Variants in MDFIC2 observed in about 807,000 individuals in gnomAD.
MDFIC2 encodes myoD family inhibitor domain-containing protein 2.
chr3:70,241,068 G>A (rs1575604621), intron 2 of MDFIC2, among the ~76,000 whole-genome samples: 1 of 152,096 alleles, frequency 6.6e-6, no homozygotes, highest in East Asian at 1.9e-4. Context: ...TTTAGCCTGT[G>A]ATGTGACTGC....
At chr3:70,247,554 T>G (rs918052686) in intron 2 of MDFIC2, among the ~76,000 whole-genome samples, 1 of 151,872 alleles carries the variant, frequency 6.6e-6, no homozygotes, top group African/African-American at 2.4e-5. Flanking sequence ...ACCAATTTTT[T>G]GATCACATAT....
At chr3:70,229,462 A>C (rs1308537035) in intron 2 of MDFIC2, among the ~76,000 whole-genome samples, 2 of 152,214 alleles carry the variant, frequency 1.3e-5, no homozygotes, top group Admixed American at 6.5e-5. Context: ...TACATAGCAG[A>C]ACTTGCTTCC....
intron 2 of MDFIC2, among the ~76,000 whole-genome samples, chr3:70,288,982 C>T (rs1206783083): frequency 6.6e-6 from 1 of 152,134 alleles, no homozygotes; most frequent in African/African-American, 2.4e-5. Context: ...TTCCTGAATA[C>T]AGCACACTGA....
At chr3:70,270,474 T>A (rs753200292) in intron 2 of MDFIC2, among the ~76,000 whole-genome samples, 1 of 152,222 alleles carries the variant, frequency 6.6e-6, no homozygotes, top group Non-Finnish European at 1.5e-5. Context: ...TGACAGTGGC[T>A]ACCTCTCATT....
At chr3:70,224,466 C>T (rs927338983) in intron 2 of MDFIC2, among the ~76,000 whole-genome samples, 1 of 152,162 alleles carries the variant, frequency 6.6e-6, no homozygotes, top group African/African-American at 2.4e-5. Context: ...TAAAGAAAAG[C>T]GCTTCATTCT....
intron 2 of MDFIC2, among the ~76,000 whole-genome samples, chr3:70,244,305 A>G (rs1206443024): frequency 2.0e-5 from 3 of 152,222 alleles, no homozygotes; most frequent in African/African-American, 4.8e-5. Flanking sequence ...CGACCACTGC[A>G]GTGTAGACTT....
intron 2 of MDFIC2, among the ~76,000 whole-genome samples, chr3:70,265,780 T>C (rs1246958752): frequency 6.6e-6 from 1 of 152,164 alleles, no homozygotes; most frequent in Non-Finnish European, 1.5e-5. Context: ...AGGAAACTTA[T>C]AATCATGATG....
intron 2 of MDFIC2, among the ~76,000 whole-genome samples, chr3:70,269,347 G>T (rs1291850983): frequency 6.6e-6 from 1 of 152,100 alleles, no homozygotes; most frequent in Non-Finnish European, 1.5e-5. Flanking sequence ...TGAATATACT[G>T]AACTGTAACC....
chr3:70,261,679 A>G (rs1701867872), intron 2 of MDFIC2, among the ~76,000 whole-genome samples: 1 of 152,178 alleles, frequency 6.6e-6, no homozygotes, highest in Non-Finnish European at 1.5e-5. Context: ...TATTTTGTTG[A>G]AAACAGAATG....
chr3:70,269,981 A>G (rs1227285351), intron 2 of MDFIC2, among the ~76,000 whole-genome samples: 1 of 152,234 alleles, frequency 6.6e-6, no homozygotes, highest in Non-Finnish European at 1.5e-5. Flanking sequence ...AAGAGAAGGA[A>G]GGGAAAACAG....
chr3:70,256,034 C>T (rs1258058087), intron 2 of MDFIC2, among the ~76,000 whole-genome samples: 1 of 152,134 alleles, frequency 6.6e-6, no homozygotes, highest in African/African-American at 2.4e-5. Context: ...AATAGTACCA[C>T]CCCAAATTAT....
chr3:70,251,548 G>A (rs941919810), intron 2 of MDFIC2, among the ~76,000 whole-genome samples: 1 of 152,172 alleles, frequency 6.6e-6, no homozygotes, highest in Admixed American at 6.5e-5. Context: ...TGATGGTGGA[G>A]TGTACATTCC....
At chr3:70,233,729 A>G (rs927661563) in intron 2 of MDFIC2, among the ~76,000 whole-genome samples, 2 of 152,214 alleles carry the variant, frequency 1.3e-5, no homozygotes, top group African/African-American at 4.8e-5. Flanking sequence ...AATTTCATGT[A>G]AACTGAATCA....
chr3:70,307,329 G>C (rs1017375928), intron 2 of MDFIC2, among the ~76,000 whole-genome samples: 1 of 152,034 alleles, frequency 6.6e-6, no homozygotes, highest in African/African-American at 2.4e-5. Flanking sequence ...CACTTCAAAC[G>C]CTGACAATGC....
chr3:70,290,734 C>G (rs6766653), intron 2 of MDFIC2, among the ~76,000 whole-genome samples: 20 of 152,102 alleles, frequency 1.3e-4, no homozygotes, highest in Non-Finnish European at 2.9e-4. Flanking sequence ...TAGGACCCTC[C>G]GAGCCAGGTG....
Position 70,206,768 on chromosome 3 carries a change from C to G in MDFIC2, c.111G>C (p.Lys37Asn), listed in dbSNP as rs1040925892. 40 of 397,498 alleles carry G rather than the reference C, an allele frequency of 1.0e-4. No homozygotes were observed. Among genetic ancestry groups the G allele is most frequent in the African/African-American group, 7.6e-4 (37 of 48,548 alleles). The allele number at this position is 397,498 out of a possible 1,614,324, so 24.6% of individuals were successfully genotyped here. A position where few individuals can be genotyped will look rare whatever the true frequency, so the allele number is the denominator to read the frequency against. The change falls in exon 3 of 4, where the codon AAG becomes AAC. Residue 37 changes from lysine (K) to asparagine (N), a missense_variant. Lys to Asn is a moderately conservative substitution (Grantham distance 94). Transcript: ENST00000567252. ...LKEDTQLTNA[K>N]HADEKPINAI... Reference sequence around the variant, plus strand: ...CATTAATGGGTTTCTCATCTGCATGCTTTGCATTCGTGAGTTGCGTATCTA... The same window carrying G: ...CATTAATGGGTTTCTCATCTGCATGGTTTGCATTCGTGAGTTGCGTATCTA...
chr3:70,206,435 G>C (rs1701291350), intron 3 of MDFIC2, 134 bp downstream of exon 3: 1 of 394,070 alleles, frequency 2.5e-6, no homozygotes, highest in Non-Finnish European at 4.5e-6. Context: ...TCATTCACCA[G>C]AGTTTTCAAA....
intron 2 of MDFIC2, among the ~76,000 whole-genome samples, chr3:70,207,091 C>T (rs922359073): frequency 6.8e-6 from 1 of 147,500 alleles, no homozygotes; most frequent in Admixed American, 6.8e-5. Context: ...TCACTTGGAT[C>T]AACAAAATCT....
At chr3:70,247,585 A>G (rs945070173) in intron 2 of MDFIC2, among the ~76,000 whole-genome samples, 1 of 151,922 alleles carries the variant, frequency 6.6e-6, no homozygotes, top group South Asian at 2.1e-4. Flanking sequence ...ACTCAATTCT[A>G]TTAGAATTTT....
Sources: allele counts gnomAD v4.1 joint callset (sites outside exome capture counted in the v4.1 genomes callset), GRCh38; gene constraint gnomAD v4.1.1; transcripts MANE v1.5; gene names NCBI Gene and HGNC (gene_info 2026-07-23, HGNC 2026-07-21).